MTHFD1L: variants seen among roughly 807,000 people sequenced by gnomAD.
MTHFD1L encodes monofunctional C1-tetrahydrofolate synthase, mitochondrial.
MTHFD1L carries 81 observed loss-of-function variants against 119.5 expected under a neutral mutation model. The observed-to-expected ratio is 0.68, with a 90% confidence interval of 0.57 to 0.82. The LOEUF is 0.82. Among genes scored for constraint, MTHFD1L ranks in the 40% least tolerant of loss-of-function variants. MTHFD1L has a pLI of 0.00. For missense variants in MTHFD1L, 1,125 were observed against 1,253.4 expected, an observed-to-expected ratio of 0.90 and a Z score of 1.55; for synonymous variants, 430 against 475.2, an observed-to-expected ratio of 0.90 and a Z score of 1.24.
chr6:151,011,587 A>C lies in MTHFD1L; in HGVS notation c.2265+1629A>C, dbSNP rs9383552. ...TCTCTGTCCTGTAAAAATTCTCTAC[A>C]TGGTTTACAATCCTATTTCATTCAT... On this transcript the variant is annotated intron_variant, in intron 21 of 27. Coordinates refer to ENST00000367321, the MANE Select transcript of MTHFD1L (RefSeq NM_015440.5). Among the ~76,000 whole-genome samples the C allele has an allele frequency of 8.9e-4, 136 of 152,214 alleles. 1 individual carries two copies. Among genetic ancestry groups the C allele is most frequent in the Non-Finnish European group, 1.6e-3 (112 of 68,000 alleles).
rs551831814 is a variant in MTHFD1L, at chr6:150,900,849, A to G, written c.781-4801A>G. ...GATAACATGGTGAAACCCTGTCTCT[A>G]CTGAAAATACAAAAAATTAGCCGGG... On this transcript the variant is annotated intron_variant, in intron 7 of 27. Coordinates refer to ENST00000367321, the MANE Select transcript of MTHFD1L (RefSeq NM_015440.5). Among the ~76,000 whole-genome samples the G allele has an allele frequency of 9.2e-5, 14 of 151,744 alleles. No homozygotes were observed. The South Asian group carries it at 2.9e-3, about 32-fold the overall frequency.
At chr6:150,931,909 G>A (rs1171305933) in intron 11 of MTHFD1L, among the ~76,000 whole-genome samples, 1 of 151,886 alleles carries the variant, frequency 6.6e-6, no homozygotes, top group Non-Finnish European at 1.5e-5. Flanking sequence ...CGCCTGTAAT[G>A]CCAGCCCTTT....
At chr6:150,984,653 C>A (rs369263221) in intron 20 of MTHFD1L, among the ~76,000 whole-genome samples, 65 of 151,300 alleles carry the variant, frequency 4.3e-4, no homozygotes, top group Admixed American at 6.6e-4. Context: ...ATGATGTTCA[C>A]GTTTTTGAAC....
intron 1 of MTHFD1L, chr6:150,866,551 G>A: frequency 8.0e-7 from 1 of 1,252,900 alleles, no homozygotes; most frequent in African/African-American, 1.6e-5. Context: ...GAAGCTCCCT[G>A]GTGTTGTGCG....
chr6:150,969,040 G>C (rs574725063), intron 19 of MTHFD1L, among the ~76,000 whole-genome samples: 2 of 151,524 alleles, frequency 1.3e-5, no homozygotes, highest in African/African-American at 2.4e-5. Context: ...GTAGAGACAG[G>C]GTTTTACCAT....
chr6:150,937,361 C>T (rs556104749), intron 12 of MTHFD1L, among the ~76,000 whole-genome samples: 57 of 152,252 alleles, frequency 3.7e-4, no homozygotes, highest in Admixed American at 8.5e-4. Flanking sequence ...TCTCTGGAGA[C>T]GGACTGGCTG....
At chr6:150,941,193 G>T (rs1353377920) in intron 13 of MTHFD1L, among the ~76,000 whole-genome samples, 1 of 152,206 alleles carries the variant, frequency 6.6e-6, no homozygotes, top group Non-Finnish European at 1.5e-5. Flanking sequence ...TTCAGCCAGT[G>T]GGAACTGCTG....
At position 151,092,446 on chromosome 6, in the gene MTHFD1L, A is replaced by G. The variant is rs765852689; in HGVS notation, c.2848-21A>G. The G allele has an allele frequency of 1.4e-5, 22 of 1,594,260 alleles. No homozygotes were observed. In the South Asian group the frequency reaches 2.3e-4, roughly 16 times the overall value. Reference sequence around the variant, plus strand: ...GCTTTGTAGCATTTGCTAATCTGTAACGCTTGGTTTTCTCCCCCAGATGAG... The same window carrying G: ...GCTTTGTAGCATTTGCTAATCTGTAGCGCTTGGTTTTCTCCCCCAGATGAG... On this transcript the variant is annotated intron_variant, in intron 26 of 27. Transcript: ENST00000367321.
chr6:150,984,312 A>G (rs529998836), intron 20 of MTHFD1L, among the ~76,000 whole-genome samples: 1 of 152,344 alleles, frequency 6.6e-6, no homozygotes, highest in African/African-American at 2.4e-5. Flanking sequence ...AAAGATTTTT[A>G]TGACCTGGCT....
At chr6:151,087,478 G>A (rs1320120864) in intron 26 of MTHFD1L, among the ~76,000 whole-genome samples, 2 of 152,080 alleles carry the variant, frequency 1.3e-5, no homozygotes, top group African/African-American at 4.8e-5. Context: ...CTCCTTTTCT[G>A]AACCAAAATA....
chr6:151,038,725 G>A (rs1233701284), intron 26 of MTHFD1L, among the ~76,000 whole-genome samples: 2 of 152,118 alleles, frequency 1.3e-5, no homozygotes, highest in African/African-American at 4.8e-5. Flanking sequence ...GGCAATCAAG[G>A]TCCGCACTTT....
chr6:151,056,129 C>G (rs1245662931), intron 26 of MTHFD1L: 1 of 152,208 alleles, frequency 6.6e-6, no homozygotes, highest in Non-Finnish European at 1.5e-5. Context: ...TCTCCTAAAC[C>G]AGATACGGCC....
chr6:151,079,721 T>C (rs1792938462), intron 26 of MTHFD1L, among the ~76,000 whole-genome samples: 1 of 151,664 alleles, frequency 6.6e-6, no homozygotes, highest in East Asian at 2.0e-4. Context: ...ACTCCCGACC[T>C]CATGTGATCT....
chr6:150,927,091 T>G (rs1050628384), intron 11 of MTHFD1L, among the ~76,000 whole-genome samples: 7 of 152,230 alleles, frequency 4.6e-5, no homozygotes, highest in African/African-American at 1.2e-4. Flanking sequence ...TAATTGGAAT[T>G]GACTCCTAGG....
At chr6:150,970,188 C>G (rs372998357) in intron 19 of MTHFD1L, among the ~76,000 whole-genome samples, 1 of 152,166 alleles carries the variant, frequency 6.6e-6, no homozygotes, top group East Asian at 1.9e-4. Context: ...TTGAGAAGCT[C>G]CTGGGAAGGT....
At chr6:150,969,663 G>A (rs1046144988) in intron 19 of MTHFD1L, among the ~76,000 whole-genome samples, 1 of 152,172 alleles carries the variant, frequency 6.6e-6, no homozygotes. Context: ...TTTCTTGTAA[G>A]TCGGAAAACA....
At chr6:150,909,463 G>C (rs1185710574) in intron 8 of MTHFD1L, among the ~76,000 whole-genome samples, 1 of 151,942 alleles carries the variant, frequency 6.6e-6, no homozygotes, top group Non-Finnish European at 1.5e-5. Flanking sequence ...GGCTGGTCTT[G>C]AACTCCCGGC....
At chr6:150,896,961 A>C (rs1784334140) in intron 7 of MTHFD1L, among the ~76,000 whole-genome samples, 1 of 151,804 alleles carries the variant, frequency 6.6e-6, no homozygotes. Context: ...AAAATACAAA[A>C]ACAAAATTAG....
intron 26 of MTHFD1L, among the ~76,000 whole-genome samples, chr6:151,059,132 A>T (rs1363142131): frequency 6.6e-6 from 1 of 151,914 alleles, no homozygotes; most frequent in Non-Finnish European, 1.5e-5. Context: ...CTTCCCCCTG[A>T]GGTGGGATGA....
Sources: gnomAD v4.1 joint callset for allele counts (sites outside exome capture counted in the v4.1 genomes callset) on GRCh38, gnomAD v4.1.1 for gene constraint, MANE v1.5 for transcripts, NCBI Gene and HGNC (gene_info 2026-07-23, HGNC 2026-07-21) for gene names.